Variants in IL16 observed in about 807,000 individuals in gnomAD.
IL16 encodes the protein pro-interleukin-16.
In IL16, 67 loss-of-function variants were observed where a neutral mutation model predicts 110.1. That is an observed-to-expected ratio of 0.61 (90% CI 0.50 to 0.75). The LOEUF (loss-of-function observed/expected upper bound fraction) is 0.75, where lower values mean the gene tolerates loss of function less well. Ranked by LOEUF, IL16 falls within the 30% of genes least tolerant of loss-of-function variation. IL16 has a pLI of 0.00. For synonymous variants in IL16, 689 were observed against 662.9 expected (o/e 1.04, Z -0.61); for missense variants, 1,545 against 1,655.0 (o/e 0.93, Z 1.15).
chr15:81,299,322 G>A (rs1900143302), intron 13 of IL16, 58 bp from the exon 14 acceptor site: 1 of 1,601,684 alleles, frequency 6.2e-7, no homozygotes. Flanking sequence ...CTAGAATTTA[G>A]GAAGAAAAGT....
In IL16 at chr15:81,271,714, C is replaced by T. The variant is rs570350186; in HGVS notation, c.676-1376C>T. 4.6e-5 allele frequency among the ~76,000 whole-genome samples: 7 copies of T among 152,174 alleles called. No homozygotes were observed. The South Asian group carries it at 1.2e-3, about 27-fold the overall frequency. On this transcript the variant is annotated intron_variant, in intron 5 of 18. Transcript: ENST00000683961. ...ACAAGGCTAGGGGCCCGTGGAGGAG[C>T]CCTGAAGGGGCTCCTACCTCACCTT... is the stretch of plus-strand genomic sequence containing the variant.
intron 18 of IL16, among the ~76,000 whole-genome samples, chr15:81,307,196 G>T (rs1360677498): frequency 6.6e-6 from 1 of 152,156 alleles, no homozygotes; most frequent in African/African-American, 2.4e-5. Context: ...CAAATTGGAG[G>T]TCTCCAAGCC....
In IL16 at chr15:81,279,619, T is replaced by C. The variant is rs1899077771; in HGVS notation, c.926T>C (p.Leu309Pro). The C allele has an allele frequency of 4.3e-6, 7 of 1,614,040 alleles. No individual in the cohort carries two copies. The highest frequency in any genetic ancestry group is 1.7e-5 in the Admixed American group (1 of 60,010). ...VRTRLTAPPS[L>P]CSHLSPPLCR... is the part of the protein sequence containing the mutation. ...ACCCGCCTGACGGCGCCTCCTTCCC[T>C]GTGCAGCCACCTGTCTCCCCCACTG... Residue 309 changes from leucine to proline, a missense_variant, in exon 8 of 19, where the codon CTG (leucine) becomes CCG (proline). Around this residue, in one of 3 missense-constraint regions of IL16, gnomAD observed 1,185 missense variants for 1,238.8 expected, o/e 0.96. Coordinates refer to ENST00000683961, the MANE Select transcript of IL16 (RefSeq NM_172217.5).
At chr15:81,290,147 G>T (rs1005891402) in intron 10 of IL16, 3 of 433,288 alleles carry the variant, frequency 6.9e-6, no homozygotes, top group African/African-American at 6.0e-5. Context: ...CTAGCTCATA[G>T]AGATAACCTA....
chr15:81,192,009 G>A (rs542619735), upstream of IL16, among the ~76,000 whole-genome samples: 1 of 152,296 alleles, frequency 6.6e-6, no homozygotes, highest in Middle Eastern at 3.4e-3. Flanking sequence ...TTTTGGGGCA[G>A]TAAATATATC....
Position 81,312,469 on chromosome 15 carries a change from G to T in IL16, c.*3671G>T, listed in dbSNP as rs1335067185. ...AAATGCCCAAGGGAAAGAAAAGGAA[G>T]GCTCTTCTCCCCAGAGTTCCCCATG... On this transcript the variant is annotated 3_prime_UTR_variant, in exon 19 of 19. Transcript: ENST00000683961. The T allele has an allele frequency of 6.6e-6, 1 of 152,282 alleles. No homozygotes were observed. Among genetic ancestry groups the T allele is most frequent in the Non-Finnish European group, 1.5e-5 (1 of 68,100 alleles). The allele number at this position is 152,282 out of a possible 1,614,324, so 9.4% of individuals were successfully genotyped here. A position where few individuals can be genotyped will look rare whatever the true frequency, so the allele number is the denominator to read the frequency against.
chr15:81,253,950 C>T (rs1430221372), intron 2 of IL16, among the ~76,000 whole-genome samples: 2 of 152,116 alleles, frequency 1.3e-5, no homozygotes, highest in Non-Finnish European at 2.9e-5. Flanking sequence ...GATCTGTGGC[C>T]TCATCATCCC....
intron 2 of IL16, among the ~76,000 whole-genome samples, chr15:81,245,931 T>C (rs1432073551): frequency 6.6e-6 from 1 of 151,980 alleles, no homozygotes; most frequent in East Asian, 1.9e-4. Flanking sequence ...AGTTTTTAGT[T>C]GTACTTACTG....
Position 81,225,572 on chromosome 15 carries a change from A to G in IL16, c.173A>G (p.His58Arg), listed in dbSNP as rs781648023. The G allele has an allele frequency of 6.2e-7, 1 of 1,613,892 alleles. No homozygotes were observed. Among genetic ancestry groups the G allele is most frequent in the Non-Finnish European group, 8.5e-7 (1 of 1,179,978 alleles). ...GCCCAGGGCAAGGAGGGAATTTTCC[A>G]CTCATCTGTGCAGCTGGCAGACACA... ...SLAQGKEGIF[H>R]SSVQLADTSE... The change falls in exon 2 of 19, where the codon CAC becomes CGC. Residue 58 changes from histidine (H) to arginine (R), a missense_variant. Coordinates refer to ENST00000683961, the MANE Select transcript of IL16 (RefSeq NM_172217.5).
intron 1 of IL16, among the ~76,000 whole-genome samples, chr15:81,203,602 T>C (rs1285938282): frequency 6.6e-6 from 1 of 152,122 alleles, no homozygotes; most frequent in African/African-American, 2.4e-5. Flanking sequence ...TGCTTGTTTT[T>C]GTCAGGTTTG....
chr15:81,290,326 A>T (rs1899651544), intron 10 of IL16, 127 bp from the exon 11 acceptor site: 2 of 596,060 alleles, frequency 3.4e-6, no homozygotes, highest in Non-Finnish European at 6.0e-6. Context: ...TTCATCAGCT[A>T]TTTGCAGAGT....
Position 81,306,660 on chromosome 15 carries a change from CT to C in IL16, c.3805+117del, listed in dbSNP as rs763443496. 7 of 1,269,786 alleles carry C rather than the reference CT, an allele frequency of 5.5e-6. No individual in the cohort carries two copies. The African/African-American group carries it at 1.0e-4, about 19-fold the overall frequency. The allele number at this position is 1,269,786 out of a possible 1,614,324, so 78.7% of individuals were successfully genotyped here. ...GTTGTTTCCCACAACTCCATGTCCT[CT>C]TCATAGGCATGCTGGTCCTTTTAGG... On this transcript the variant is annotated intron_variant, in intron 18 of 18. Transcript: ENST00000683961.
At chr15:81,194,545 T>C (rs1416861253), upstream of IL16, among the ~76,000 whole-genome samples, 3 of 151,964 alleles carry the variant, frequency 2.0e-5, no homozygotes, top group Non-Finnish European at 2.9e-5. Context: ...TTTAATTTTG[T>C]AATTAAAATT....
chr15:81,221,197 C>T (rs1486578236), intron 1 of IL16, among the ~76,000 whole-genome samples: 5 of 152,062 alleles, frequency 3.3e-5, no homozygotes, highest in Non-Finnish European at 7.4e-5. Flanking sequence ...TAGGGAGCTG[C>T]AGAACTTCTC....
chr15:81,207,157 G>A (rs151174085), intron 1 of IL16, among the ~76,000 whole-genome samples: 20 of 149,514 alleles, frequency 1.3e-4, no homozygotes, highest in South Asian at 4.2e-4. Context: ...AGAATGGCGT[G>A]AACCTGGGAG....
intron 1 of IL16, among the ~76,000 whole-genome samples, chr15:81,204,300 T>G (rs1056195436): frequency 4.6e-5 from 7 of 151,794 alleles, no homozygotes; most frequent in African/African-American, 1.5e-4. Flanking sequence ...TTTTCCTAAT[T>G]GAATACCCTT....
chr15:81,260,505 T>C (rs981301078), intron 3 of IL16, among the ~76,000 whole-genome samples: 1 of 152,240 alleles, frequency 6.6e-6, no homozygotes, highest in African/African-American at 2.4e-5. Flanking sequence ...TGAAATCTAG[T>C]TAACCAACTC....
chr15:81,244,674 A>C (rs997911477), intron 2 of IL16, among the ~76,000 whole-genome samples: 14 of 151,588 alleles, frequency 9.2e-5, no homozygotes, highest in Admixed American at 6.6e-5. Context: ...GTTTCTTTGG[A>C]TTTATTGTTT....
chr15:81,262,061 G>C (rs57462451), intron 3 of IL16, among the ~76,000 whole-genome samples: 8,347 of 152,182 alleles, frequency 0.055, 825 homozygotes, highest in African/African-American at 0.19. Flanking sequence ...GTGAGAGCCT[G>C]TCCTGCCCCC....
Sources: allele counts gnomAD v4.1 joint callset (sites outside exome capture counted in the v4.1 genomes callset), GRCh38; gene constraint gnomAD v4.1.1; regional missense constraint gnomAD v4.1.1; transcripts MANE v1.5; gene names NCBI Gene and HGNC (gene_info 2026-07-23, HGNC 2026-07-21).